Variants in DACT2 observed in about 807,000 individuals in gnomAD.
The protein encoded by DACT2 is dapper homolog 2.
DACT2 carries 20 observed loss-of-function variants against 22.2 expected under a neutral mutation model. The observed-to-expected ratio is 0.90, with a 90% CI of 0.63 to 1.31. The LOEUF is 1.31. DACT2 is among the 50% of genes most tolerant of loss of function. The probability of loss-of-function intolerance (pLI) is 0.00; values close to 1 mark genes in which losing one functional copy is unlikely to be tolerated. For missense variants in DACT2, 1,048 were observed against 1,061.4 expected, an observed-to-expected ratio of 0.99 and a Z score of 0.18; for synonymous variants, 463 against 479.8, an observed-to-expected ratio of 0.96 and a Z score of 0.46.
Position 168,309,244 on chromosome 6 carries a change from C to CA in DACT2, c.659-147dup, listed in dbSNP as rs1779325709. ...CTGGGTCCCATGGGAGACGGCGACT[C>CA]ACAGTCACTGAGGTCCGCGTGTAGA... On this transcript the variant is annotated intron_variant, in intron 3 of 3. Coordinates refer to ENST00000366795, the MANE Select transcript of DACT2 (RefSeq NM_214462.5). The CA allele has an allele frequency of 5.3e-6, 7 of 1,317,818 alleles. No individual in the cohort carries two copies. The South Asian group carries it at 1.1e-4, about 20-fold the overall frequency. 81.6% of individuals were successfully genotyped at this position (1,317,818 alleles called of 1,614,324 possible).
At position 168,319,747 on chromosome 6, in the gene DACT2, C is replaced by T; in HGVS notation, c.-114G>A. On this transcript the variant is annotated 5_prime_UTR_variant, in exon 1 of 4. Coordinates refer to ENST00000366795, the MANE Select transcript of DACT2 (RefSeq NM_214462.5). ...CTGCGCCTCCTCTCTCCGCCCCCGG[C>T]TCCGCAGGTCGCCAAGGTGGGCTGG... The T allele has an allele frequency of 2.5e-6, 3 of 1,177,724 alleles. No homozygotes were observed. The highest frequency in any genetic ancestry group is 3.1e-6 in the Non-Finnish European group (3 of 953,100). The allele number at this position is 1,177,724 out of a possible 1,614,324, so 73.0% of individuals were successfully genotyped here.
chr6:168,307,958 G>A lies in DACT2; in HGVS notation c.1799C>T (p.Ser600Leu), dbSNP rs1329612559. ...LFPFEASLLTSVARRKHRRWQ... is the reference protein window; with the variant it reads ...LFPFEASLLTLVARRKHRRWQ... ...GCGGCGATGCTTCCTCCTGGCCACTGAGGTGAGCAGTGACGCCTCAAAGGG... is the reference window on the plus strand; with the variant it reads ...GCGGCGATGCTTCCTCCTGGCCACTAAGGTGAGCAGTGACGCCTCAAAGGG... Residue 600 changes from serine (S) to leucine (L), a missense_variant, in exon 4 of 4, where the codon TCA becomes TTA. Transcript: ENST00000366795. The surrounding 1 kb of genome is among the most constrained non-coding windows in gnomAD (Gnocchi z 5.3). 1.3e-6 allele frequency: 2 copies of A among 1,550,696 alleles called. 1 individual carries two copies. The highest frequency in any genetic ancestry group is 2.4e-5 in the South Asian group (2 of 84,046).
intron 1 of DACT2, among the ~76,000 whole-genome samples, chr6:168,318,492 A>G (rs572376296): frequency 6.6e-6 from 1 of 152,270 alleles, no homozygotes; most frequent in East Asian, 1.9e-4. Context: ...AACAGGACAG[A>G]CTTAAATTTC....
In DACT2 at chr6:168,319,748, T is replaced by C. The variant is rs1309275478; in HGVS notation, c.-115A>G. ...TGCGCCTCCTCTCTCCGCCCCCGGC[T>C]CCGCAGGTCGCCAAGGTGGGCTGGA... On this transcript the variant is annotated 5_prime_UTR_variant, in exon 1 of 4. Transcript: ENST00000366795. 43 of 1,177,186 alleles carry C rather than the reference T, an allele frequency of 3.7e-5. No homozygotes were observed. The East Asian group carries it at 1.2e-3, about 33-fold the overall frequency. The allele number at this position is 1,177,186 out of a possible 1,614,324, so 72.9% of individuals were successfully genotyped here. A position where few individuals can be genotyped will look rare whatever the true frequency, so the allele number is the denominator to read the frequency against.
chr6:168,307,296 G>T lies in DACT2; in HGVS notation c.*136C>A. 7 of 1,469,568 alleles carry T rather than the reference G, an allele frequency of 4.8e-6. No homozygotes were observed. Among genetic ancestry groups the T allele is most frequent in the Non-Finnish European group, 5.4e-6 (6 of 1,111,890 alleles). The allele number at this position is 1,469,568 out of a possible 1,614,324, so 91.0% of individuals were successfully genotyped here. A position where few individuals can be genotyped will look rare whatever the true frequency, so the allele number is the denominator to read the frequency against. ...ACTCCACAGGGCAGAACCCATCTGC[G>T]GGGACTCCTGTTAAACGGTGGCCTC... is the stretch of plus-strand genomic sequence containing the variant. On this transcript the variant is annotated 3_prime_UTR_variant, in exon 4 of 4. Coordinates refer to ENST00000366795, the MANE Select transcript of DACT2 (RefSeq NM_214462.5). The surrounding 1 kb of genome is among the most constrained non-coding windows in gnomAD (Gnocchi z 5.3).
chr6:168,309,197 C>A, intron 3 of DACT2, 99 bp from the exon 4 acceptor site: 2 of 1,430,674 alleles, frequency 1.4e-6, no homozygotes, highest in South Asian at 2.9e-5. Context: ...AAACGCTGCT[C>A]ATTCACTGCT....
At chr6:168,311,418 C>T (rs886839412) in intron 1 of DACT2, 134 bp from the exon 2 acceptor site, 13 of 1,184,386 alleles carry the variant, frequency 1.1e-5, no homozygotes, top group East Asian at 2.7e-5. Flanking sequence ...CTTCTAAATC[C>T]GGCAGCTGCC....
intron 1 of DACT2, among the ~76,000 whole-genome samples, chr6:168,318,854 A>G (rs1779576529): frequency 6.6e-6 from 1 of 152,120 alleles, no homozygotes; most frequent in African/African-American, 2.4e-5. Context: ...CTTTCCCCCA[A>G]TACTTTATTA....
intron 1 of DACT2, among the ~76,000 whole-genome samples, chr6:168,316,176 A>G (rs1476526049): frequency 6.6e-6 from 1 of 152,278 alleles, no homozygotes; most frequent in African/African-American, 2.4e-5. Context: ...TTTGATTTGT[A>G]TATTTCTTAA....
rs1779255310 is a variant in DACT2 at position 168,307,796 on chromosome 6, T to C, written c.1961A>G (p.Asp654Gly). 2 of 1,542,766 alleles carry C rather than the reference T, an allele frequency of 1.3e-6. No homozygotes were observed. The highest frequency in any genetic ancestry group is 2.0e-5 in the Admixed American group (1 of 50,914). ...CTCTGAGTCGCTCCTGGTGTAGGCG[T>C]CCTGGCGGACCAGTGAGGGACGGCC... ...ARGRPSLVRQDAYTRSDSEPS... is the reference protein window; with the variant it reads ...ARGRPSLVRQGAYTRSDSEPS... Residue 654 changes from aspartate to glycine, a missense_variant, in exon 4 of 4, where the codon GAC becomes GGC. By Grantham distance (94) the Asp-to-Gly change is moderately conservative. Coordinates refer to ENST00000366795, the MANE Select transcript of DACT2 (RefSeq NM_214462.5). This position sits in a 1 kb window ranked among gnomAD's most constrained non-coding sequence, Gnocchi z 5.3.
intron 3 of DACT2, among the ~76,000 whole-genome samples, chr6:168,301,240 C>T (rs1779098967): frequency 6.6e-6 from 1 of 152,178 alleles, no homozygotes; most frequent in African/African-American, 2.4e-5. Context: ...CATGCCCAGA[C>T]CCTGGGCCAG....
Position 168,311,246 on chromosome 6 carries a change from G to A in DACT2, c.285C>T (p.His95=). The A allele has an allele frequency of 1.3e-6, 2 of 1,550,944 alleles. No individual in the cohort carries two copies. Among genetic ancestry groups the A allele is most frequent in the Non-Finnish European group, 1.7e-6 (2 of 1,146,164 alleles). ...TAATCTGCAGGTCCAGCTGGTCCAG[G>A]TGGGTCTTCAGGCCGATGTCCTGTT... ...LRQQDIGLKT[H]LDQLDLQISK... Residue 95 remains histidine, a synonymous_variant, in exon 2 of 4, where the codon CAC becomes CAT. Coordinates refer to ENST00000366795, the MANE Select transcript of DACT2 (RefSeq NM_214462.5).
chr6:168,304,718 T>C (rs1315515962), downstream of DACT2, among the ~76,000 whole-genome samples: 1 of 152,156 alleles, frequency 6.6e-6, no homozygotes, highest in Non-Finnish European at 1.5e-5. Flanking sequence ...TTCCAAATCC[T>C]GAGGAGCTAT....
intron 1 of DACT2, among the ~76,000 whole-genome samples, chr6:168,314,290 C>T (rs541890032): frequency 6.6e-6 from 1 of 152,284 alleles, no homozygotes; most frequent in East Asian, 1.9e-4. Context: ...TCACGGTGTG[C>T]TCTGGGGGCA....
In DACT2 at chr6:168,307,794, C is replaced by T. The variant is rs753709354; in HGVS notation, c.1963G>A (p.Ala655Thr). Residue 655 changes from alanine to threonine, a missense_variant, in exon 4 of 4, where the codon GCC (alanine) becomes ACC (threonine). Physicochemically the swap from Ala to Thr is moderately conservative, Grantham distance 58. Coordinates refer to ENST00000366795, the MANE Select transcript of DACT2 (RefSeq NM_214462.5). This position sits in a 1 kb window ranked among gnomAD's most constrained non-coding sequence, Gnocchi z 5.3. ...RGRPSLVRQD[A>T]YTRSDSEPSK... ...GGCTCTGAGTCGCTCCTGGTGTAGG[C>T]GTCCTGGCGGACCAGTGAGGGACGG... 8.6e-5 allele frequency: 132 copies of T among 1,543,050 alleles called. No individual in the cohort carries two copies. The highest frequency in any genetic ancestry group is 1.4e-4 in the Admixed American group (7 of 50,924).
chr6:168,307,025 C>A lies in DACT2; in HGVS notation c.*407G>T, dbSNP rs1779224367. 2.0e-6 allele frequency: 2 copies of A among 1,011,268 alleles called. No individual in the cohort carries two copies. Among genetic ancestry groups the A allele is most frequent in the Non-Finnish European group, 2.4e-6 (2 of 846,322 alleles). 62.6% of individuals were successfully genotyped at this position (1,011,268 alleles called of 1,614,324 possible). ...ATTCAATTTCCAGCTCAGAGTCCTG[C>A]AACCGCCTCTTTAAAATGCTTTTGG... On this transcript the variant is annotated 3_prime_UTR_variant, in exon 4 of 4. Coordinates refer to ENST00000366795, the MANE Select transcript of DACT2 (RefSeq NM_214462.5). The surrounding 1 kb of genome is among the most constrained non-coding windows in gnomAD (Gnocchi z 5.3).
At chr6:168,305,426 G>A (rs896209351), downstream of DACT2, among the ~76,000 whole-genome samples, 1 of 152,222 alleles carries the variant, frequency 6.6e-6, no homozygotes, top group Non-Finnish European at 1.5e-5. Flanking sequence ...CTGATTCCCT[G>A]TGATCTTGGC....
intron 3 of DACT2, among the ~76,000 whole-genome samples, chr6:168,295,711 C>A (rs1019392237): frequency 1.3e-5 from 2 of 152,114 alleles, no homozygotes; most frequent in Non-Finnish European, 2.9e-5. Flanking sequence ...CCAACAGAGG[C>A]TTTTCACTTG....
At chr6:168,297,103 T>C (rs1262492831) in intron 3 of DACT2, among the ~76,000 whole-genome samples, 1 of 152,236 alleles carries the variant, frequency 6.6e-6, no homozygotes, top group Non-Finnish European at 1.5e-5. Context: ...ATTTTATATC[T>C]GTTTGATTTG....
Sources: allele counts gnomAD v4.1 joint callset (sites outside exome capture counted in the v4.1 genomes callset), GRCh38; gene constraint gnomAD v4.1.1; non-coding constraint Gnocchi (gnomAD v3.1); transcripts MANE v1.5; gene names NCBI Gene and HGNC (gene_info 2026-07-23, HGNC 2026-07-21).